The following CCBE1 variants were observed in gnomAD, a reference collection of about 807,000 sequenced individuals.
The protein encoded by CCBE1 is collagen and calcium-binding EGF domain-containing protein 1.
Under a neutral mutation model 50.0 loss-of-function variants are expected in CCBE1, and 37 were observed. That is an observed-to-expected ratio of 0.74 (90% CI 0.57 to 0.97). The LOEUF is 0.97. Among genes scored for constraint, CCBE1 ranks in the 50% least tolerant of loss-of-function variants. The pLI is 0.00. For synonymous variants in CCBE1, 234 were observed against 203.7 expected (o/e 1.15, Z -1.27); for missense variants, 538 against 523.8 (o/e 1.03, Z -0.26).
intron 2 of CCBE1, among the ~76,000 whole-genome samples, chr18:59,641,617 A>T (rs2053992160): frequency 6.6e-6 from 1 of 152,224 alleles, no homozygotes; most frequent in Admixed American, 6.5e-5. Context: ...TAAAAGTGCA[A>T]ATGTCCAAGA....
At chr18:59,654,564 C>T (rs2054162176) in intron 2 of CCBE1, among the ~76,000 whole-genome samples, 1 of 152,136 alleles carries the variant, frequency 6.6e-6, no homozygotes, top group Admixed American at 6.5e-5. Context: ...GCAGAGGTTG[C>T]AGTGAGCCGA....
chr18:59,487,568 G>A (rs1912882374), intron 2 of CCBE1, among the ~76,000 whole-genome samples: 1 of 152,080 alleles, frequency 6.6e-6, no homozygotes, highest in Admixed American at 6.5e-5. Context: ...AACGTTAAGA[G>A]TATCATGGTC....
Position 59,435,715 on chromosome 18 carries a change from C to T in CCBE1, c.*193G>A, listed in dbSNP as rs2143603364. The stretch of plus-strand genomic sequence containing the variant: ...CAGGTAAATCAATCATTCACTCCCT[C>T]ATGTCTGCAGGCCTAGGAGGGGACT... On this transcript the variant is annotated 3_prime_UTR_variant, in exon 11 of 11. Coordinates refer to ENST00000439986, the MANE Select transcript of CCBE1 (RefSeq NM_133459.4). 1.5e-6 allele frequency: 1 copy of T among 651,056 alleles called. No individual in the cohort carries two copies. Among genetic ancestry groups the T allele is most frequent in the Non-Finnish European group, 2.7e-6 (1 of 365,344 alleles). 40.3% of individuals were successfully genotyped at this position (651,056 alleles called of 1,614,324 possible). A position where few individuals can be genotyped will look rare whatever the true frequency, so the allele number is the denominator to read the frequency against.
In CCBE1 at chr18:59,435,866, G is replaced by T; in HGVS notation, c.*42C>A. On this transcript the variant is annotated 3_prime_UTR_variant, in exon 11 of 11. Transcript: ENST00000439986. The stretch of plus-strand genomic sequence containing the variant: ...CTTTAGATGGTTTAACTGCAGGTGA[G>T]TTGATCTTTCTCTTCCTTTGGCGTG... 1 of 1,549,916 alleles carries T rather than the reference G, an allele frequency of 6.5e-7. No individual in the cohort carries two copies.
chr18:59,446,311 G>T (rs1228103894), intron 7 of CCBE1, among the ~76,000 whole-genome samples: 1 of 152,200 alleles, frequency 6.6e-6, no homozygotes, highest in Non-Finnish European at 1.5e-5. Context: ...GTGATCTATA[G>T]CCTGGAGTTG....
intron 2 of CCBE1, among the ~76,000 whole-genome samples, chr18:59,551,046 A>G (rs1437725814): frequency 6.7e-6 from 1 of 148,868 alleles, no homozygotes; most frequent in African/African-American, 2.5e-5. Flanking sequence ...AAAAGAAAAG[A>G]AAAAAAAGAA....
At chr18:59,643,326 T>G (rs2054014825) in intron 2 of CCBE1, among the ~76,000 whole-genome samples, 1 of 152,216 alleles carries the variant, frequency 6.6e-6, no homozygotes. Flanking sequence ...GAGCAAATGC[T>G]CCATTGATTT....
chr18:59,587,362 C>T (rs2053192934), intron 2 of CCBE1, among the ~76,000 whole-genome samples: 1 of 152,172 alleles, frequency 6.6e-6, no homozygotes. Context: ...GGACTTGTCA[C>T]CTCAACAGAC....
At chr18:59,598,639 A>G (rs2053388775) in intron 2 of CCBE1, among the ~76,000 whole-genome samples, 2 of 152,196 alleles carry the variant, frequency 1.3e-5, no homozygotes, top group Non-Finnish European at 2.9e-5. Context: ...TCCACCATTT[A>G]TCCATGTAGC....
rs574199741 is a variant in CCBE1, at chr18:59,589,979, C to T, written c.212+106650G>A. On this transcript the variant is annotated intron_variant, in intron 2 of 10. Transcript: ENST00000439986. Reference sequence around the variant, plus strand: ...GAAAAAGCTTCTGACAATTCAGCACCCATTCTTGATTAAAAGACACACACC... The same window carrying T: ...GAAAAAGCTTCTGACAATTCAGCACTCATTCTTGATTAAAAGACACACACC... Among the ~76,000 whole-genome samples, 5 of 152,014 alleles carry T rather than the reference C, an allele frequency of 3.3e-5. No homozygotes were observed. In the East Asian group the frequency reaches 9.7e-4, roughly 29 times the overall value.
chr18:59,456,163 G>A (rs562579562), intron 5 of CCBE1, among the ~76,000 whole-genome samples: 12 of 151,810 alleles, frequency 7.9e-5, no homozygotes, highest in African/African-American at 2.9e-4. Context: ...TGGTCTTCTA[G>A]GCCTCCCTGG....
At chr18:59,486,940 A>T (rs963430769) in intron 2 of CCBE1, among the ~76,000 whole-genome samples, 1 of 151,960 alleles carries the variant, frequency 6.6e-6, no homozygotes, top group African/African-American at 2.4e-5. Flanking sequence ...TAAGAGAATC[A>T]TAAAAAGCAT....
chr18:59,657,761 A>G (rs1409253881), intron 2 of CCBE1, among the ~76,000 whole-genome samples: 1 of 152,182 alleles, frequency 6.6e-6, no homozygotes, highest in Non-Finnish European at 1.5e-5. Flanking sequence ...GTGGTGGCAC[A>G]TGCCTGTAAT....
Position 59,466,819 on chromosome 18 carries a change from C to A in CCBE1, c.473G>T (p.Arg158Leu), listed in dbSNP as rs548209010. ...HICINTLGSY[R>L]CECREGYIRE... ...GATGTAGCCTTCCCGGCACTCGCAG[C>A]GGTAGCTGCCCAAGGTATTGATGCA... Residue 158 changes from arginine (R) to leucine (L), a missense_variant, in exon 5 of 11, where the codon CGC becomes CTC. Arg to Leu is a moderately radical substitution (Grantham distance 102). Transcript: ENST00000439986. 5 of 1,613,702 alleles carry A rather than the reference C, an allele frequency of 3.1e-6. No homozygotes were observed. The Admixed American group carries it at 6.7e-5, about 22-fold the overall frequency.
chr18:59,604,803 C>A (rs1044798052), intron 2 of CCBE1, among the ~76,000 whole-genome samples: 1 of 152,230 alleles, frequency 6.6e-6, no homozygotes, highest in Non-Finnish European at 1.5e-5. Flanking sequence ...GTTGGCTTAG[C>A]AGTAAATGTA....
At chr18:59,606,554 G>A (rs2053501517) in intron 2 of CCBE1, among the ~76,000 whole-genome samples, 1 of 152,124 alleles carries the variant, frequency 6.6e-6, no homozygotes, top group Non-Finnish European at 1.5e-5. Flanking sequence ...GTGACTCCCT[G>A]CATCTTGCAC....
At chr18:59,488,877 C>A (rs933018799) in intron 2 of CCBE1, among the ~76,000 whole-genome samples, 1 of 152,088 alleles carries the variant, frequency 6.6e-6, no homozygotes, top group Non-Finnish European at 1.5e-5. Context: ...TGTTGTGTCT[C>A]CCCCACCGAG....
At chr18:59,619,747 T>G (rs2096778768) in intron 2 of CCBE1, among the ~76,000 whole-genome samples, 1 of 152,212 alleles carries the variant, frequency 6.6e-6, no homozygotes, top group African/African-American at 2.4e-5. Context: ...TGGTTCCAAG[T>G]GAGTTTTAAA....
intron 2 of CCBE1, among the ~76,000 whole-genome samples, chr18:59,497,001 T>G (rs1913386521): frequency 6.6e-6 from 1 of 152,214 alleles, no homozygotes; most frequent in African/African-American, 2.4e-5. Flanking sequence ...ATTTTAATTT[T>G]TTCTTCGGCA....
Sources: allele counts gnomAD v4.1 joint callset (sites outside exome capture counted in the v4.1 genomes callset), GRCh38; gene constraint gnomAD v4.1.1; transcripts MANE v1.5; gene names NCBI Gene and HGNC (gene_info 2026-07-23, HGNC 2026-07-21).